SYNE2: variants seen among roughly 807,000 people sequenced by gnomAD.
SYNE2 encodes the protein spectrin repeat containing nuclear envelope protein 2.
SYNE2 carries 431 observed loss-of-function variants against 856.3 expected under a neutral mutation model. That is an observed-to-expected ratio of 0.50 (90% CI 0.47 to 0.55). The LOEUF is 0.55. Among genes scored for constraint, SYNE2 ranks in the 20% least tolerant of loss-of-function variants. SYNE2 has a pLI of 0.00. For synonymous variants in SYNE2, 2,923 were observed against 2,872.3 expected (o/e 1.02, Z -0.56); for missense variants, 8,129 against 8,023.2 (o/e 1.01, Z -0.50).
At chr14:63,915,012 C>G (rs945945394) in intron 2 of SYNE2, among the ~76,000 whole-genome samples, 13 of 152,174 alleles carry the variant, frequency 8.5e-5, no homozygotes, top group Middle Eastern at 3.2e-3. Context: ...CTCCTGGGCT[C>G]CATAGATCCT....
chr14:64,062,685 GA>G, intron 49 of SYNE2, 65 bp from the exon 50 acceptor site: 1 of 1,428,036 alleles, frequency 7.0e-7, no homozygotes, highest in Non-Finnish European at 9.8e-7. Flanking sequence ...TTTATTCTGG[GA>G]AATTTTGAAT....
Position 64,218,490 on chromosome 14 carries a change from C to G in SYNE2, c.19635C>G (p.Ala6545=). 3 of 1,613,894 alleles carry G rather than the reference C, an allele frequency of 1.9e-6. No homozygotes were observed. Among genetic ancestry groups the G allele is most frequent in the South Asian group, 1.1e-5 (1 of 91,070 alleles). The change falls in exon 109 of 116, where the codon GCC becomes GCG. Residue 6545 remains alanine (A), a synonymous_variant. Transcript: ENST00000555002. ...CACAGCAGGAAGACGGGGGACTGGC[C>G]GGTATCACAGAGCAGCAGTCAGGTA... The part of the protein sequence containing the change: ...GNPQQEDGGL[A]GITEQQSGAF...
At chr14:63,894,818 T>G (rs1339296407) in intron 1 of SYNE2, among the ~76,000 whole-genome samples, 1 of 152,240 alleles carries the variant, frequency 6.6e-6, no homozygotes, top group African/African-American at 2.4e-5. Flanking sequence ...AGAAACATTG[T>G]TAATCTGTTG....
In SYNE2 at chr14:64,165,407, C is replaced by G. The variant is rs748802577; in HGVS notation, c.16602C>G (p.Phe5534Leu). Residue 5534 changes from phenylalanine to leucine, a missense_variant, in exon 90 of 116, where the codon TTC (phenylalanine) becomes TTG (leucine). Coordinates refer to ENST00000555002, the MANE Select transcript of SYNE2 (RefSeq NM_182914.3). ...AGGAAAAAGAAAATCCTGACTCATT[C>G]CTGGTATTGCCAATATTTGTCTTTT... is the stretch of plus-strand genomic sequence containing the variant. ...HQQEKENPDS[F>L]LNHVLALTAQ... is the part of the protein sequence containing the mutation. The G allele has an allele frequency of 9.3e-6, 15 of 1,613,342 alleles. No individual in the cohort carries two copies. The highest frequency in any genetic ancestry group is 1.2e-5 in the Non-Finnish European group (14 of 1,179,846).
intron 1 of SYNE2, among the ~76,000 whole-genome samples, chr14:63,792,653 ATTTGTTTG>A (rs113620942): frequency 9.0e-4 from 73 of 81,338 alleles, no homozygotes; most frequent in East Asian, 1.6e-3. Context: ...TGTTTTATTT[ATTTGTTTG>A]TTTGTTTGTT....
intron 106 of SYNE2, among the ~76,000 whole-genome samples, chr14:64,215,070 G>A (rs1012173438): frequency 2.6e-5 from 4 of 152,046 alleles, no homozygotes; most frequent in South Asian, 2.1e-4. Flanking sequence ...CAGAGTGTCT[G>A]CAGACTGAGC....
intron 11 of SYNE2, among the ~76,000 whole-genome samples, chr14:63,975,312 T>C (rs953367426): frequency 1.3e-5 from 2 of 151,986 alleles, no homozygotes; most frequent in African/African-American, 4.8e-5. Flanking sequence ...TTTTGCATAA[T>C]ATAGATTGAA....
intron 11 of SYNE2, among the ~76,000 whole-genome samples, chr14:63,974,568 C>CT (rs1368346515): frequency 4.6e-5 from 7 of 151,372 alleles, no homozygotes; most frequent in Admixed American, 1.3e-4. Flanking sequence ...AAGTCACATT[C>CT]TTTTTTTTGA....
chr14:63,977,620 T>TGTTTTTAAAAAACAAA (rs2096554580), intron 12 of SYNE2, among the ~76,000 whole-genome samples: 1 of 152,086 alleles, frequency 6.6e-6, no homozygotes, highest in Non-Finnish European at 1.5e-5. Context: ...ATTAGCTGGG[T>TGTTTTTAAAAAACAAA]ATTGTGCTCT....
At position 63,773,649 on chromosome 14, in the gene SYNE2, A is replaced by C. The variant is rs530430654; in HGVS notation, c.-305+11663A>C. ...CAATCATACCATGCTATAGACTGAA[A>C]CTCCTCGGTTCAAACAATCTTCCTG... On this transcript the variant is annotated intron_variant, in intron 1 of 23. Transcript: ENST00000674003. Among the ~76,000 whole-genome samples, 5 of 152,130 alleles carry C rather than the reference A, an allele frequency of 3.3e-5. No individual in the cohort carries two copies. In the South Asian group the frequency reaches 1.0e-3, roughly 32 times the overall value.
At chr14:63,896,398 T>G (rs1166516824) in intron 1 of SYNE2, among the ~76,000 whole-genome samples, 2 of 152,186 alleles carry the variant, frequency 1.3e-5, no homozygotes, top group African/African-American at 4.8e-5. Flanking sequence ...GGTAGAACAA[T>G]GCAGTTCAGG....
At chr14:63,896,418 C>A (rs1436521448) in intron 1 of SYNE2, among the ~76,000 whole-genome samples, 3 of 152,174 alleles carry the variant, frequency 2.0e-5, no homozygotes, top group African/African-American at 7.2e-5. Context: ...GTTCATGGCT[C>A]CCTGGCAGCT....
At chr14:64,126,525 C>G in intron 72 of SYNE2, 46 bp downstream of exon 72, 1 of 1,614,054 alleles carries the variant, frequency 6.2e-7, no homozygotes, top group East Asian at 2.2e-5. Flanking sequence ...TACAGCAGCC[C>G]CGTGAGTTAA....
chr14:63,821,926 C>T (rs925690636), intron 1 of SYNE2, among the ~76,000 whole-genome samples: 33 of 152,096 alleles, frequency 2.2e-4, no homozygotes, highest in African/African-American at 6.7e-4. Context: ...CACAGTGGCT[C>T]ATGCCTGTAA....
At chr14:64,066,516 CAA>C (rs954351251) in intron 51 of SYNE2, among the ~76,000 whole-genome samples, 8 of 152,122 alleles carry the variant, frequency 5.3e-5, no homozygotes, top group African/African-American at 1.7e-4. Context: ...AACAAACAAA[CAA>C]AAACACAACG....
chr14:64,160,403 C>A (rs1409732891), intron 87 of SYNE2, among the ~76,000 whole-genome samples: 1 of 152,100 alleles, frequency 6.6e-6, no homozygotes, highest in Non-Finnish European at 1.5e-5. Flanking sequence ...ATAGTAGTTA[C>A]CTCTAGATAA....
intron 60 of SYNE2, among the ~76,000 whole-genome samples, chr14:64,091,273 A>T (rs917583516): frequency 3.3e-5 from 5 of 152,242 alleles, no homozygotes; most frequent in African/African-American, 1.2e-4. Flanking sequence ...TTCATTCCAC[A>T]GTTGTTGACC....
At chr14:63,820,138 A>G (rs1889158362) in intron 1 of SYNE2, among the ~76,000 whole-genome samples, 1 of 152,200 alleles carries the variant, frequency 6.6e-6, no homozygotes, top group Non-Finnish European at 1.5e-5. Flanking sequence ...AATGACTCTG[A>G]AAAAGGGCAA....
rs1192679697 is a variant in SYNE2 at position 64,195,677 on chromosome 14, C to T, written c.18038+5440C>T. 2.0e-5 allele frequency among the ~76,000 whole-genome samples: 3 copies of T among 152,178 alleles called. No homozygotes were observed. In the East Asian group the frequency reaches 5.8e-4, roughly 29 times the overall value. On this transcript the variant is annotated intron_variant, in intron 99 of 115. Coordinates refer to ENST00000555002, the MANE Select transcript of SYNE2 (RefSeq NM_182914.3). ...TTGTGTGTTAAGATTGTTTTCCATG[C>T]CTTGCAGAATGGGCAGGAATACGTG...
Sources: gnomAD v4.1 joint callset for allele counts (sites outside exome capture counted in the v4.1 genomes callset) on GRCh38, gnomAD v4.1.1 for gene constraint, MANE v1.5 for transcripts, NCBI Gene and HGNC (gene_info 2026-07-23, HGNC 2026-07-21) for gene names.